The following GNAL variants were observed in gnomAD, a reference collection of about 807,000 sequenced individuals.
GNAL encodes the protein G protein subunit alpha L, also known as guanine nucleotide-binding protein G(olf) subunit alpha.
In GNAL, 18 loss-of-function variants were observed where a neutral mutation model predicts 55.1. The observed-to-expected ratio is 0.33, with a 90% CI of 0.23 to 0.48. GNAL has a LOEUF of 0.48. GNAL is among the 20% of genes least tolerant of loss of function. GNAL has a pLI of 0.99. For missense variants in GNAL, 412 were observed against 614.1 expected, an observed-to-expected ratio of 0.67 and a Z score of 3.48; for synonymous variants, 253 against 237.0, an observed-to-expected ratio of 1.07 and a Z score of -0.62.
intron 1 of GNAL, among the ~76,000 whole-genome samples, chr18:11,716,879 C>T (rs1052633426): frequency 1.3e-5 from 2 of 152,252 alleles, no homozygotes; most frequent in African/African-American, 2.4e-5. Context: ...GCCCAGCTGG[C>T]TTCACCCAGT....
intron 8 of GNAL, among the ~76,000 whole-genome samples, chr18:11,867,846 C>T (rs1009106343): frequency 2.0e-5 from 3 of 151,294 alleles, no homozygotes; most frequent in African/African-American, 4.9e-5. Flanking sequence ...AAAAATTAGC[C>T]GGGTGTGGTG....
Position 11,768,721 on chromosome 18 carries a change from C to G in GNAL, c.624+14776C>G, listed in dbSNP as rs551569719. Among the ~76,000 whole-genome samples the G allele has an allele frequency of 3.6e-4, 54 of 150,036 alleles. No homozygotes were observed. The South Asian group carries it at 0.011, about 31-fold the overall frequency. Reference sequence around the variant, plus strand: ...CATCCTGGCTAACATGGTGAAACCCCGTCTCTACTAAAAATACAAAAAATT... The same window carrying G: ...CATCCTGGCTAACATGGTGAAACCCGGTCTCTACTAAAAATACAAAAAATT... On this transcript the variant is annotated intron_variant, in intron 4 of 11. Transcript: ENST00000334049.
intron 5 of GNAL, among the ~76,000 whole-genome samples, chr18:11,828,091 G>A (rs1190543429): frequency 6.6e-6 from 1 of 152,200 alleles, no homozygotes; most frequent in Non-Finnish European, 1.5e-5. Flanking sequence ...GTTGCTTTCG[G>A]TTTGGATGTG....
chr18:11,751,968 G>C lies in GNAL; in HGVS notation c.377-885G>C, dbSNP rs13380905. The stretch of plus-strand genomic sequence containing the variant: ...TGGCGCGCTCTGTCCTCCGCGCCAC[G>C]CTCAGCCACCACCCCGGCTGTTTGG... On this transcript the variant is annotated intron_variant, in intron 1 of 11. Transcript: ENST00000334049. The surrounding 1 kb of genome is among the most constrained non-coding windows in gnomAD (Gnocchi z 4.5). The C allele has an allele frequency of 0.011, 1,623 of 152,904 alleles. 13 individuals carry two copies. Among genetic ancestry groups the C allele is most frequent in the African/African-American group, 0.021 (891 of 41,602 alleles). The allele number at this position is 152,904 out of a possible 1,614,324, so 9.5% of individuals were successfully genotyped here.
At chr18:11,748,494 A>C (rs2032740767) in intron 1 of GNAL, among the ~76,000 whole-genome samples, 1 of 150,696 alleles carries the variant, frequency 6.6e-6, no homozygotes, top group Non-Finnish European at 1.5e-5. Flanking sequence ...TTATATTATT[A>C]ATATATTAAC....
At chr18:11,799,682 A>G (rs562714425) in intron 4 of GNAL, among the ~76,000 whole-genome samples, 4 of 152,352 alleles carry the variant, frequency 2.6e-5, no homozygotes, top group South Asian at 4.1e-4. Flanking sequence ...TACGTATAAA[A>G]AAAATCCAAT....
chr18:11,880,649 G>T (rs1309393958), intron 11 of GNAL, among the ~76,000 whole-genome samples: 1 of 152,196 alleles, frequency 6.6e-6, no homozygotes, highest in African/African-American at 2.4e-5. Flanking sequence ...CAGCTAGATA[G>T]CGACTATCAT....
At chr18:11,706,218 A>G (rs1269531948) in intron 1 of GNAL, among the ~76,000 whole-genome samples, 5 of 151,926 alleles carry the variant, frequency 3.3e-5, no homozygotes, top group Non-Finnish European at 5.9e-5. Flanking sequence ...AACCACCCCA[A>G]TAAAGTTAAT....
intron 5 of GNAL, among the ~76,000 whole-genome samples, chr18:11,848,411 G>C (rs377679404): frequency 1.8e-4 from 28 of 152,022 alleles, no homozygotes; most frequent in Admixed American, 5.2e-4. Flanking sequence ...TGTAGCTTCA[G>C]GTGATGGCAA....
Position 11,851,943 on chromosome 18 carries a change from TC to T in GNAL, c.723-10448del, listed in dbSNP as rs867705845. On this transcript the variant is annotated intron_variant, in intron 5 of 11. Coordinates refer to ENST00000334049, the MANE Select transcript of GNAL (RefSeq NM_182978.4). Reference sequence around the variant, plus strand: ...TGAGCAGCACGACGACGCTCACCACTCCCCAGAACCAAGTGGATATGCTGCT... The same window carrying T: ...TGAGCAGCACGACGACGCTCACCACTCCCAGAACCAAGTGGATATGCTGCT... 6.2e-6 allele frequency: 10 copies of T among 1,613,752 alleles called. No homozygotes were observed. In the African/African-American group the frequency reaches 1.3e-4, roughly 22 times the overall value.
In GNAL at chr18:11,719,358, A is replaced by AT. The variant is rs2032042609; in HGVS notation, c.376+29419_376+29420insT. ...CTGACAGCAGCAAAGATGTATTGCAAAACAGTCAGGGTTACCAGAGAGTCA... is the reference window on the plus strand; with the variant it reads ...CTGACAGCAGCAAAGATGTATTGCAATAACAGTCAGGGTTACCAGAGAGTCA... On this transcript the variant is annotated intron_variant, in intron 1 of 11. Transcript: ENST00000334049. Among the ~76,000 whole-genome samples the AT allele has an allele frequency of 1.3e-5, 2 of 152,176 alleles. 1 individual carries two copies. The highest frequency in any genetic ancestry group is 4.8e-5 in the African/African-American group (2 of 41,440).
intron 1 of GNAL, among the ~76,000 whole-genome samples, chr18:11,733,607 G>C (rs1568002550): frequency 6.6e-6 from 1 of 152,196 alleles, no homozygotes; most frequent in East Asian, 1.9e-4. Context: ...GCTGTAAAAA[G>C]AGTAAAATCA....
At position 11,689,808 on chromosome 18, in the gene GNAL, G is replaced by C. The variant is rs1465540760; in HGVS notation, c.245G>C (p.Ser82Thr). ...KEKRQRTEQLSAEEREAAKER... is the reference protein window; with the variant it reads ...KEKRQRTEQLTAEEREAAKER... ...AAGCGGCAGCGCACCGAGCAGCTGAGTGCCGAGGAGCGCGAGGCGGCCAAG... is the reference window on the plus strand; with the variant it reads ...AAGCGGCAGCGCACCGAGCAGCTGACTGCCGAGGAGCGCGAGGCGGCCAAG... The change falls in exon 1 of 12, where the codon AGT becomes ACT. Residue 82 changes from serine to threonine, a missense_variant. This residue lies in a region of GNAL where 228 missense variants were observed against 194.8 expected (regional missense o/e 1.17). Transcript: ENST00000334049. The C allele has an allele frequency of 2.0e-6, 3 of 1,538,408 alleles. No homozygotes were observed. Among genetic ancestry groups the C allele is most frequent in the Non-Finnish European group, 2.6e-6 (3 of 1,145,392 alleles).
At chr18:11,833,087 A>G (rs890504153) in intron 5 of GNAL, among the ~76,000 whole-genome samples, 1 of 150,378 alleles carries the variant, frequency 6.6e-6, no homozygotes, top group Non-Finnish European at 1.5e-5. Context: ...GCTGGAGTGC[A>G]GTGGCGCGAT....
At chr18:11,833,084 T>G (rs946729600) in intron 5 of GNAL, among the ~76,000 whole-genome samples, 2 of 150,830 alleles carry the variant, frequency 1.3e-5, no homozygotes, top group African/African-American at 2.4e-5. Flanking sequence ...CAGGCTGGAG[T>G]GCAGTGGCGC....
intron 4 of GNAL, among the ~76,000 whole-genome samples, chr18:11,798,873 G>A (rs1234676993): frequency 6.6e-6 from 1 of 152,062 alleles, no homozygotes; most frequent in African/African-American, 2.4e-5. Context: ...TGTAATCCAA[G>A]CACTTTGGGA....
chr18:11,884,790 C>T lies in GNAL; in HGVS notation c.*3655C>T, dbSNP rs2036937906. ...CCAAGGGGGCCCAGCCTTCTCCCTG[C>T]ACAGCTCACCCCCGACCAGCCCAGG... On this transcript the variant is annotated 3_prime_UTR_variant, in exon 12 of 12. Coordinates refer to ENST00000334049, the MANE Select transcript of GNAL (RefSeq NM_182978.4). The T allele has an allele frequency of 6.6e-6, 9 of 1,366,212 alleles. No individual in the cohort carries two copies. The South Asian group carries it at 9.1e-5, about 14-fold the overall frequency. 84.6% of individuals were successfully genotyped at this position (1,366,212 alleles called of 1,614,324 possible).
Position 11,751,899 on chromosome 18 carries a change from G to A in GNAL, c.377-954G>A, listed in dbSNP as rs2032849655. ...CGACGGCTGAGGAATAGCAGGGCGC[G>A]AGCCGGCCCGGCAGGTGCCCATCGT... On this transcript the variant is annotated intron_variant, in intron 1 of 11. Coordinates refer to ENST00000334049, the MANE Select transcript of GNAL (RefSeq NM_182978.4). This position sits in a 1 kb window ranked among gnomAD's most constrained non-coding sequence, Gnocchi z 4.5. Among the ~76,000 whole-genome samples, 1 of 152,154 alleles carries A rather than the reference G, an allele frequency of 6.6e-6. No homozygotes were observed. The highest frequency in any genetic ancestry group is 6.5e-5 in the Admixed American group (1 of 15,280).
chr18:11,811,586 A>G (rs2034818702), intron 4 of GNAL: 1 of 152,224 alleles, frequency 6.6e-6, no homozygotes, highest in Admixed American at 6.5e-5. Flanking sequence ...AAATTGCCAT[A>G]AACATTATTT....
Sources: gnomAD v4.1 joint callset for allele counts (sites outside exome capture counted in the v4.1 genomes callset) on GRCh38, gnomAD v4.1.1 for gene constraint, gnomAD v4.1.1 regional missense constraint, Gnocchi (gnomAD v3.1) non-coding constraint, MANE v1.5 for transcripts, NCBI Gene and HGNC (gene_info 2026-07-23, HGNC 2026-07-21) for gene names.